The following PIEZO1 variants were observed in gnomAD, a reference collection of about 807,000 sequenced individuals.
PIEZO1 encodes the protein piezo type mechanosensitive ion channel component 1 (Er blood group).
In PIEZO1, 296 loss-of-function variants were observed where a neutral mutation model predicts 297.2. The observed-to-expected ratio is 1.00, with a 90% CI of 0.91 to 1.10. PIEZO1 has a LOEUF of 1.10. Among genes scored for constraint, PIEZO1 ranks in the 50% least tolerant of loss-of-function variants. The probability of loss-of-function intolerance (pLI) is 0.00; values close to 1 mark genes in which losing one functional copy is unlikely to be tolerated. For synonymous variants in PIEZO1, 2,427 were observed against 1,507.5 expected, an observed-to-expected ratio of 1.61 and a Z score of -14.13; for missense variants, 5,018 against 3,455.5, an observed-to-expected ratio of 1.45 and a Z score of -11.34.
At chr16:88,738,179 G>C in intron 7 of PIEZO1, 48 bp downstream of exon 7, 1 of 1,533,608 alleles carries the variant, frequency 6.5e-7, no homozygotes, top group South Asian at 1.2e-5. Flanking sequence ...GAGCCAGGTG[G>C]GCGGGACCAG....
Position 88,781,454 on chromosome 16 carries a change from C to A in PIEZO1, c.64+3447G>T, listed in dbSNP as rs573641987. On this transcript the variant is annotated intron_variant, in intron 1 of 50. Transcript: ENST00000301015. ...CACGCACACATGTGCACACTCACAC[C>A]TGCAGCCCTTGGTGCTGTGAGGCAG... is the stretch of plus-strand genomic sequence containing the variant. 5.9e-5 allele frequency among the ~76,000 whole-genome samples: 9 copies of A among 152,376 alleles called. No individual in the cohort carries two copies. The South Asian group carries it at 1.9e-3, about 32-fold the overall frequency.
chr16:88,731,937 G>T, intron 21 of PIEZO1, 27 bp from the exon 22 acceptor site: 1 of 1,364,314 alleles, frequency 7.3e-7, no homozygotes, highest in Non-Finnish European at 1.0e-6. Context: ...GCGGGGTGTG[G>T]GGATGCACTG....
chr16:88,749,177 C>T lies in PIEZO1; in HGVS notation c.160+207G>A, dbSNP rs566975453. Among the ~76,000 whole-genome samples the T allele has an allele frequency of 5.9e-3, 877 of 148,418 alleles. 3 individuals are homozygous for T. Among genetic ancestry groups the T allele is most frequent in the African/African-American group, 0.011 (429 of 40,134 alleles). On this transcript the variant is annotated intron_variant, in intron 2 of 50. Transcript: ENST00000301015. Reference sequence around the variant, plus strand: ...ATGGCGTGAACCTGGGAGGCGAAGCCTGCAGTGAGCAGAGATCGCGCCACT... The same window carrying T: ...ATGGCGTGAACCTGGGAGGCGAAGCTTGCAGTGAGCAGAGATCGCGCCACT...
In PIEZO1 at chr16:88,774,340, G is replaced by A. The variant is rs116428825; in HGVS notation, c.64+10561C>T. Among the ~76,000 whole-genome samples the A allele has an allele frequency of 7.6e-3, 1,162 of 152,330 alleles. 21 individuals carry two copies. Among genetic ancestry groups the A allele is most frequent in the African/African-American group, 0.025 (1,059 of 41,576 alleles). On this transcript the variant is annotated intron_variant, in intron 1 of 50. Transcript: ENST00000301015. ...CGGGAGGCGGAGTTTGCGATGAGTC[G>A]AGATTGTGCCACTGCACACCAGCTT...
In PIEZO1 at chr16:88,716,240, G is replaced by A; in HGVS notation, c.7087C>T (p.Pro2363Ser). The change falls in exon 49 of 51, where the codon CCC (proline) becomes TCC (serine). Residue 2363 changes from proline (P) to serine (S), a missense_variant. By Grantham distance (74) the Pro-to-Ser change is moderately conservative (BLOSUM62 -1). Transcript: ENST00000301015. The part of the protein sequence containing the change: ...PNLFPKYIRA[P>S]NGPEANPVKQ... ...ACAGGGTTGGCTTCGGGCCCGTTGGGGGCACGGATGTACTTGGGGAAGAGA... is the reference window on the plus strand; with the variant it reads ...ACAGGGTTGGCTTCGGGCCCGTTGGAGGCACGGATGTACTTGGGGAAGAGA... The A allele has an allele frequency of 6.7e-7, 1 of 1,495,992 alleles. No individual in the cohort carries two copies. The highest frequency in any genetic ancestry group is 9.0e-7 in the Non-Finnish European group (1 of 1,117,132). The allele number at this position is 1,495,992 out of a possible 1,614,324, so 92.7% of individuals were successfully genotyped here. A position where few individuals can be genotyped will look rare whatever the true frequency, so the allele number is the denominator to read the frequency against.
rs1041561199 is a variant in PIEZO1 at position 88,720,528 on chromosome 16, G to T, written c.5806C>A (p.Gln1936Lys). The T allele has an allele frequency of 3.9e-5, 60 of 1,549,756 alleles. No individual in the cohort carries two copies. The highest frequency in any genetic ancestry group is 4.9e-5 in the Non-Finnish European group (56 of 1,146,918). Residue 1936 changes from glutamine to lysine, a missense_variant, in exon 41 of 51, where the codon CAG (glutamine) becomes AAG (lysine). Gln to Lys is a moderately conservative substitution (Grantham distance 53). Coordinates refer to ENST00000301015, the MANE Select transcript of PIEZO1 (RefSeq NM_001142864.4). ...CGCCGTAGCGGCCGATATGTGCCCT[G>T]GGCCCTGCGGAAGGGGGCGCTCAGC... ...RLQGFCLSLA[Q>K]GTYRPLRRFF...
rs1406574075 is a variant in PIEZO1 at position 88,736,751 on chromosome 16, G to C, written c.1196-12C>G. 1 of 1,498,266 alleles carries C rather than the reference G, an allele frequency of 6.7e-7. No individual in the cohort carries two copies. The highest frequency in any genetic ancestry group is 2.1e-5 in the Admixed American group (1 of 47,796). The allele number at this position is 1,498,266 out of a possible 1,614,324, so 92.8% of individuals were successfully genotyped here. A position where few individuals can be genotyped will look rare whatever the true frequency, so the allele number is the denominator to read the frequency against. ...CCGCTTGGGCCGCACTGCAGGTGGG[G>C]ACAGCGGTCAGCTTCGGCAGGTTGA... On this transcript the variant is annotated splice_polypyrimidine_tract_variant and intron_variant, in intron 10 of 50. Transcript: ENST00000301015.
At chr16:88,752,295 C>T (rs2142868380) in intron 1 of PIEZO1, among the ~76,000 whole-genome samples, 1 of 152,234 alleles carries the variant, frequency 6.6e-6, no homozygotes, top group East Asian at 1.9e-4. Flanking sequence ...CCAGACCAGG[C>T]AACACAGAGA....
chr16:88,760,683 G>A (rs1485363150), intron 1 of PIEZO1, among the ~76,000 whole-genome samples: 2 of 151,750 alleles, frequency 1.3e-5, no homozygotes, highest in East Asian at 3.9e-4. Flanking sequence ...AGGACAGGCA[G>A]GGTCCCAAGC....
chr16:88,717,531 A>G (rs767211731), intron 44 of PIEZO1: 13 of 525,642 alleles, frequency 2.5e-5, no homozygotes, highest in Non-Finnish European at 4.4e-5. Context: ...ATGTGCCAAA[A>G]TTTACCTCAA....
At chr16:88,775,421 G>C (rs938914280) in intron 1 of PIEZO1, among the ~76,000 whole-genome samples, 1 of 152,224 alleles carries the variant, frequency 6.6e-6, no homozygotes, top group Non-Finnish European at 1.5e-5. Context: ...TGAATGAAAT[G>C]CCTGCTCTTA....
In PIEZO1 at chr16:88,722,062, G is replaced by T; in HGVS notation, c.4960C>A (p.Leu1654Met). The T allele has an allele frequency of 6.5e-7, 1 of 1,545,130 alleles. No homozygotes were observed. The highest frequency in any genetic ancestry group is 8.7e-7 in the Non-Finnish European group (1 of 1,145,018). The part of the protein sequence containing the change: ...TASELLLDRR[L>M]RIPELEEAEL... Reference sequence around the variant, plus strand: ...GCCTCCTCCAGCTCTGGGATGCGCAGGCGCCTACAGGGAGACCCGCGTGTT... The same window carrying T: ...GCCTCCTCCAGCTCTGGGATGCGCATGCGCCTACAGGGAGACCCGCGTGTT... Residue 1654 changes from leucine (L) to methionine (M), a missense_variant, in exon 37 of 51, where the codon CTG (leucine) becomes ATG (methionine). Coordinates refer to ENST00000301015, the MANE Select transcript of PIEZO1 (RefSeq NM_001142864.4).
intron 22 of PIEZO1, chr16:88,727,894 G>A (rs1013355932): frequency 1.4e-5 from 5 of 357,372 alleles, no homozygotes; most frequent in Non-Finnish European, 2.5e-5. Flanking sequence ...CAGGAGGCCA[G>A]AGAGCACGGG....
At chr16:88,733,780 C>T (rs778867324) in intron 17 of PIEZO1, 35 bp from the exon 18 acceptor site, 65 of 1,488,912 alleles carry the variant, frequency 4.4e-5, no homozygotes, top group South Asian at 4.3e-4. Flanking sequence ...GGGGCACAAA[C>T]GGGGATTCCC....
At chr16:88,717,707 C>T (rs1912150905) in intron 44 of PIEZO1, 2 of 440,448 alleles carry the variant, frequency 4.5e-6, no homozygotes, top group South Asian at 3.3e-5. Flanking sequence ...AAGAGACAGT[C>T]CATAGAATTG....
At chr16:88,760,413 C>A (rs994819855) in intron 1 of PIEZO1, among the ~76,000 whole-genome samples, 16 of 152,272 alleles carry the variant, frequency 1.1e-4, no homozygotes, top group African/African-American at 3.9e-4. Flanking sequence ...TTCTAGAACA[C>A]TTCACAAAGC....
At position 88,731,569 on chromosome 16, in the gene PIEZO1, G is replaced by T. The variant is rs947754012; in HGVS notation, c.3196+137C>A. The T allele has an allele frequency of 7.3e-5, 48 of 653,566 alleles. 1 individual carries two copies. The South Asian group carries it at 9.1e-4, about 12-fold the overall frequency. The allele number at this position is 653,566 out of a possible 1,614,324, so 40.5% of individuals were successfully genotyped here. A position where few individuals can be genotyped will look rare whatever the true frequency, so the allele number is the denominator to read the frequency against. ...GGTGATGGCGCCTGGGTAGGATGTG[G>T]AGCAGAGAGGAGGGACTGGAGGAGG... is the stretch of plus-strand genomic sequence containing the variant. On this transcript the variant is annotated intron_variant, in intron 22 of 50. Transcript: ENST00000301015.
chr16:88,768,921 C>A (rs1907299355), intron 1 of PIEZO1, among the ~76,000 whole-genome samples: 1 of 152,218 alleles, frequency 6.6e-6, no homozygotes, highest in African/African-American at 2.4e-5. Context: ...GCCGGATGCA[C>A]CTTGGCAAAG....
rs1274218264 is a variant in PIEZO1 at position 88,760,531 on chromosome 16, A to G, written c.65-11052T>C. ...CAACAGTGGGACGTGGCCACAGGGC[A>G]GGCAGCACCCAGGGAGCTCAAGACA... On this transcript the variant is annotated intron_variant, in intron 1 of 50. Transcript: ENST00000301015. 2.0e-5 allele frequency among the ~76,000 whole-genome samples: 3 copies of G among 152,260 alleles called. No homozygotes were observed. The East Asian group carries it at 5.8e-4, about 29-fold the overall frequency.
Sources: gnomAD v4.1 joint callset for allele counts (sites outside exome capture counted in the v4.1 genomes callset) on GRCh38, gnomAD v4.1.1 for gene constraint, MANE v1.5 for transcripts, NCBI Gene and HGNC (gene_info 2026-07-23, HGNC 2026-07-21) for gene names.